DST: variants seen among roughly 807,000 people sequenced by gnomAD.
The protein encoded by DST is dystonin, also known as bullous pemphigoid antigen.
DST carries 253 observed loss-of-function variants against 875.2 expected under a neutral mutation model. The ratio of observed to expected loss-of-function variants is 0.29; its 90% CI spans 0.26 to 0.32. The LOEUF is 0.32. Ranked by LOEUF, DST falls within the 10% of genes least tolerant of loss-of-function variation. The probability of loss-of-function intolerance (pLI) is 1.00; values close to 1 mark genes in which losing one functional copy is unlikely to be tolerated. For synonymous variants in DST, 3,124 were observed against 3,197.1 expected (o/e 0.98, Z 0.77); for missense variants, 8,287 against 9,111.6 (o/e 0.91, Z 3.68).
chr6:56,796,519 T>C (rs1179903306), intron 4 of DST, among the ~76,000 whole-genome samples: 2 of 152,046 alleles, frequency 1.3e-5, no homozygotes, highest in African/African-American at 2.4e-5. Flanking sequence ...AATCAAGAAG[T>C]AGATCCAAAA....
Position 56,629,377 on chromosome 6 carries a change from C to T in DST, c.4348G>A (p.Ala1450Thr), listed in dbSNP as rs1327924301. 2 of 1,613,594 alleles carry T rather than the reference C, an allele frequency of 1.2e-6. No individual in the cohort carries two copies. Among genetic ancestry groups the T allele is most frequent in the Non-Finnish European group, 8.5e-7 (1 of 1,179,780 alleles). ...AACATTTCATCACTGATGGCTTTAGCTTTCTGCAACTCATCCTCTAAGGCA... is the reference window on the plus strand; with the variant it reads ...AACATTTCATCACTGATGGCTTTAGTTTTCTGCAACTCATCCTCTAAGGCA... The part of the protein sequence containing the change: ...FHALEDELQK[A>T]KAISDEMFKT... Residue 1450 changes from alanine (A) to threonine (T), a missense_variant, in exon 32 of 104, where the codon GCT becomes ACT. By Grantham distance (58) the Ala-to-Thr change is moderately conservative (BLOSUM62 0). Around this residue, in one of 10 missense-constraint regions of DST, gnomAD observed 3,138 missense variants for 3,116.6 expected, o/e 1.01. Coordinates refer to ENST00000680361, the MANE Select transcript of DST (RefSeq NM_001374736.1).
At chr6:56,900,875 C>CAA (rs539371079) in intron 2 of DST, among the ~76,000 whole-genome samples, 54 of 96,144 alleles carry the variant, frequency 5.6e-4, no homozygotes, top group Non-Finnish European at 6.9e-4. Flanking sequence ...AAAGCCAGTC[C>CAA]AAAAAAAAAA....
At chr6:56,502,206 T>C (rs2096154437) in intron 78 of DST, among the ~76,000 whole-genome samples, 1 of 152,146 alleles carries the variant, frequency 6.6e-6, no homozygotes, top group Non-Finnish European at 1.5e-5. Flanking sequence ...TGACACAGAA[T>C]GCTATTCTCT....
chr6:56,697,379 T>C (rs915220254), intron 9 of DST, among the ~76,000 whole-genome samples: 2 of 152,200 alleles, frequency 1.3e-5, no homozygotes, highest in African/African-American at 4.8e-5. Context: ...TGGATGTTGT[T>C]TCCTAAAACA....
At position 56,553,544 on chromosome 6, in the gene DST, G is replaced by GATGAA; in HGVS notation, c.15247_15248insTTCAT (p.Ser5083PhefsTer16). On this transcript the variant is annotated frameshift_variant, in exon 61 of 104. Transcript: ENST00000680361. LOFTEE classifies it high-confidence loss of function. ...ATCGAGTTTGGCAGATATTGGATGA[G>GATGAA]ATTTGTTTTGCTCTTCTTTCTTTGT... The GATGAA allele has an allele frequency of 6.2e-7, 1 of 1,613,910 alleles. No homozygotes were observed. The highest frequency in any genetic ancestry group is 8.5e-7 in the Non-Finnish European group (1 of 1,179,884).
At chr6:56,786,214 C>T (rs2099705195) in intron 4 of DST, among the ~76,000 whole-genome samples, 1 of 152,136 alleles carries the variant, frequency 6.6e-6, no homozygotes, top group Non-Finnish European at 1.5e-5. Context: ...ATGATTCATT[C>T]CCCCATCTCC....
intron 49 of DST, among the ~76,000 whole-genome samples, chr6:56,579,948 C>T (rs577598594): frequency 4.6e-5 from 7 of 152,254 alleles, no homozygotes; most frequent in Admixed American, 2.6e-4. Context: ...CTGGGGACAA[C>T]TTCAGCAGTA....
intron 88 of DST, chr6:56,484,316 GTTCT>G (rs2095494186): frequency 6.6e-6 from 1 of 151,878 alleles, no homozygotes; most frequent in South Asian, 2.1e-4. Context: ...CTTGACCAAT[GTTCT>G]TTATTTATTC....
chr6:56,606,366 A>G lies in DST; in HGVS notation c.8262T>C (p.Thr2754=). 6.2e-7 allele frequency: 1 copy of G among 1,613,304 alleles called. No homozygotes were observed. Among genetic ancestry groups the G allele is most frequent in the East Asian group, 2.2e-5 (1 of 44,846 alleles). ...CACTGTCATCAAATTTTAATGATGC[A>G]GTGAAGCTCTCTTTTCCTCCTACAA... The part of the protein sequence containing the change: ...YDIVGGKESF[T]ASLKFDDSGS... The change falls in exon 40 of 104, where the codon ACT becomes ACC. Residue 2754 remains threonine (T), a synonymous_variant. Transcript: ENST00000680361.
In DST at chr6:56,594,076, G is replaced by T. The variant is rs778126100; in HGVS notation, c.12313C>A (p.Gln4105Lys). ...YLSPEEKEKL[Q>K]KNMKELKVHY... ...ACTTTCAGTTCCTTCATGTTCTTTT[G>T]CAGTTTCTCTTTTTCTTCAGGAGAG... The change falls in exon 48 of 104, where the codon CAA becomes AAA. Residue 4105 changes from glutamine to lysine, a missense_variant. Coordinates refer to ENST00000680361, the MANE Select transcript of DST (RefSeq NM_001374736.1). 8.1e-6 allele frequency: 13 copies of T among 1,611,610 alleles called. No individual in the cohort carries two copies. The highest frequency in any genetic ancestry group is 1.1e-5 in the Non-Finnish European group (13 of 1,179,454).
intron 3 of DST, among the ~76,000 whole-genome samples, chr6:56,889,319 C>A (rs546436659): frequency 6.6e-6 from 1 of 152,330 alleles, no homozygotes; most frequent in South Asian, 2.1e-4. Flanking sequence ...AATCCTCAAT[C>A]CAAACCTGCT....
rs2152730938 is a variant in DST at position 56,616,831 on chromosome 6, C to T, written c.4930-2347G>A. On this transcript the variant is annotated intron_variant, in intron 36 of 103. Coordinates refer to ENST00000680361, the MANE Select transcript of DST (RefSeq NM_001374736.1). ...AATAAGAATATCCCACAGCTGCCTTCTCTGCCTCAAGAAGCCTAATTCTGA... is the reference window on the plus strand; with the variant it reads ...AATAAGAATATCCCACAGCTGCCTTTTCTGCCTCAAGAAGCCTAATTCTGA... The T allele has an allele frequency of 6.2e-7, 1 of 1,614,162 alleles. No individual in the cohort carries two copies.
At chr6:56,708,380 A>C (rs2099349588) in intron 5 of DST, among the ~76,000 whole-genome samples, 1 of 152,206 alleles carries the variant, frequency 6.6e-6, no homozygotes, top group Non-Finnish European at 1.5e-5. Flanking sequence ...TTAATTTTTT[A>C]AGAATTTTAG....
chr6:56,953,529 T>G (rs879860308), intron 2 of DST, among the ~76,000 whole-genome samples: 1 of 152,220 alleles, frequency 6.6e-6, no homozygotes, highest in Admixed American at 6.5e-5. Flanking sequence ...GTGGCTAAGT[T>G]TTTTAAGGTC....
chr6:56,802,856 T>C (rs1324112964), intron 4 of DST, among the ~76,000 whole-genome samples: 1 of 152,224 alleles, frequency 6.6e-6, no homozygotes, highest in Non-Finnish European at 1.5e-5. Flanking sequence ...GATAATTCTT[T>C]GTCTTCAGTA....
chr6:56,614,392 T>G lies in DST; in HGVS notation c.5022A>C (p.Ala1674=). Residue 1674 remains alanine, a synonymous_variant, in exon 37 of 104, where the codon GCA becomes GCC. Coordinates refer to ENST00000680361, the MANE Select transcript of DST (RefSeq NM_001374736.1). The part of the protein sequence containing the change: ...VSNISKTLKD[A]EKAGKPPFSK... ...AGAAGGGAGGTTTTCCAGCCTTCTCTGCATCTTTCAATGTCTTGCTGATAT... is the reference window on the plus strand; with the variant it reads ...AGAAGGGAGGTTTTCCAGCCTTCTCGGCATCTTTCAATGTCTTGCTGATAT... 1 of 1,609,802 alleles carries G rather than the reference T, an allele frequency of 6.2e-7. No homozygotes were observed.
intron 3 of DST, among the ~76,000 whole-genome samples, chr6:56,866,748 C>T (rs1263221677): frequency 6.6e-6 from 1 of 152,074 alleles, no homozygotes; most frequent in African/African-American, 2.4e-5. Flanking sequence ...GAAAGTAAGC[C>T]CTTTGTTTCA....
intron 98 of DST, 38 bp downstream of exon 98, chr6:56,468,943 AT>A (rs528275637): frequency 1.1e-5 from 17 of 1,540,298 alleles, no homozygotes; most frequent in African/African-American, 2.7e-5. Flanking sequence ...TTAAAAAAAA[AT>A]CATCAGGAAC....
At chr6:56,685,600 C>T (rs1351453350) in intron 9 of DST, among the ~76,000 whole-genome samples, 1 of 151,964 alleles carries the variant, frequency 6.6e-6, no homozygotes, top group African/African-American at 2.4e-5. Context: ...GGTGAAACCT[C>T]GTCTCTACTA....
Sources: gnomAD v4.1 joint callset for allele counts (sites outside exome capture counted in the v4.1 genomes callset) on GRCh38, gnomAD v4.1.1 for gene constraint, gnomAD v4.1.1 regional missense constraint, MANE v1.5 for transcripts, NCBI Gene and HGNC (gene_info 2026-07-23, HGNC 2026-07-21) for gene names.